Variants in PRKCZ observed in about 807,000 individuals in gnomAD.
The protein encoded by PRKCZ is protein kinase C zeta.
A neutral mutation model predicts 79.5 loss-of-function variants in PRKCZ; 33 were observed. The observed-to-expected ratio is 0.41, with a 90% confidence interval of 0.31 to 0.55. The LOEUF is 0.55. Ranked by LOEUF, PRKCZ falls within the 20% of genes least tolerant of loss-of-function variation. The probability of loss-of-function intolerance (pLI) is 0.19; values close to 1 mark genes in which losing one functional copy is unlikely to be tolerated. For synonymous variants in PRKCZ, 342 were observed against 320.9 expected (o/e 1.07, Z -0.70); for missense variants, 578 against 813.5 (o/e 0.71, Z 3.52).
chr1:2,139,128 G>A (rs1676809630), intron 5 of PRKCZ, among the ~76,000 whole-genome samples: 1 of 152,182 alleles, frequency 6.6e-6, no homozygotes, highest in Non-Finnish European at 1.5e-5. Context: ...GAATTGAAGA[G>A]CTCCTACACA....
intron 1 of PRKCZ, among the ~76,000 whole-genome samples, chr1:2,054,637 G>C (rs957313930): frequency 1.3e-5 from 2 of 152,074 alleles, no homozygotes; most frequent in Non-Finnish European, 2.9e-5. Context: ...CCACTCCGGG[G>C]TCTAAAGAGT....
chr1:2,134,549 C>T (rs1675770661), intron 4 of PRKCZ, among the ~76,000 whole-genome samples: 1 of 152,184 alleles, frequency 6.6e-6, no homozygotes, highest in Non-Finnish European at 1.5e-5. Context: ...TGCCGCCTTT[C>T]TCATAAGAGG....
chr1:2,102,313 C>CT (rs1557561527), intron 4 of PRKCZ, among the ~76,000 whole-genome samples: 1 of 112,708 alleles, frequency 8.9e-6, no homozygotes, highest in African/African-American at 4.5e-5. Context: ...TTTTTTATTG[C>CT]GTTTTTTTTT....
chr1:2,093,083 T>A (rs1359906678), intron 4 of PRKCZ, among the ~76,000 whole-genome samples: 1 of 152,202 alleles, frequency 6.6e-6, no homozygotes, highest in African/African-American at 2.4e-5. Context: ...TGGGTGGTTT[T>A]CAACAGGAAC....
intron 4 of PRKCZ, among the ~76,000 whole-genome samples, chr1:2,093,702 G>A (rs1665918541): frequency 6.6e-6 from 1 of 152,132 alleles, no homozygotes; most frequent in African/African-American, 2.4e-5. Flanking sequence ...GCCCCCAAAC[G>A]TGGTGGGCTG....
chr1:2,090,868 A>G (rs534061887), intron 4 of PRKCZ, among the ~76,000 whole-genome samples: 1 of 152,328 alleles, frequency 6.6e-6, no homozygotes, highest in Admixed American at 6.5e-5. Context: ...ATCCATATTA[A>G]TTTAGCTCTC....
chr1:2,150,880 C>T lies in PRKCZ; in HGVS notation c.778C>T (p.Arg260Cys), dbSNP rs887317345. Residue 260 changes from arginine (R) to cysteine (C), a missense_variant, in exon 9 of 18, where the codon CGC becomes TGC. Arg to Cys is a radical substitution (Grantham distance 180). This residue lies in a region of PRKCZ where 243 missense variants were observed against 467.0 expected (regional missense o/e 0.52). Transcript: ENST00000378567. ...QDFDLIRVIGRGSYAKVLLVR... is the reference protein window; with the variant it reads ...QDFDLIRVIGCGSYAKVLLVR... Reference sequence around the variant, plus strand: ...CTTTGACCTAATCAGAGTCATCGGGCGCGGGAGCTACGCCAAGGTTCTCCT... The same window carrying T: ...CTTTGACCTAATCAGAGTCATCGGGTGCGGGAGCTACGCCAAGGTTCTCCT... 1 of 1,614,126 alleles carries T rather than the reference C, an allele frequency of 6.2e-7. No individual in the cohort carries two copies. Among genetic ancestry groups the T allele is most frequent in the Non-Finnish European group, 8.5e-7 (1 of 1,180,014 alleles).
At chr1:2,096,802 C>T (rs1210162715) in intron 4 of PRKCZ, among the ~76,000 whole-genome samples, 3 of 152,272 alleles carry the variant, frequency 2.0e-5, no homozygotes, top group East Asian at 1.9e-4. Context: ...AGGGAAGGGT[C>T]AGCCAGCTCA....
chr1:2,148,469 T>A (rs549688375), intron 7 of PRKCZ, among the ~76,000 whole-genome samples: 1 of 152,346 alleles, frequency 6.6e-6, no homozygotes, highest in African/African-American at 2.4e-5. Context: ...TCTCCATCTA[T>A]CCATCCATTG....
chr1:2,153,209 TGACA>T (rs1308278831), intron 9 of PRKCZ, among the ~76,000 whole-genome samples: 1 of 152,272 alleles, frequency 6.6e-6, no homozygotes, highest in East Asian at 1.9e-4. Context: ...CTCTGATGAC[TGACA>T]GTGTTCAGCA....
At chr1:2,056,649 A>AT in intron 3 of PRKCZ, 76 bp downstream of exon 3, 4 of 1,325,760 alleles carry the variant, frequency 3.0e-6, no homozygotes, top group Non-Finnish European at 4.2e-6. Context: ...TAGCTGGGGG[A>AT]TTTAAAATGG....
At position 2,172,274 on chromosome 1, in the gene PRKCZ, C is replaced by G. The variant is rs760251204; in HGVS notation, c.1198-27C>G. The G allele has an allele frequency of 6.2e-7, 1 of 1,613,536 alleles. No homozygotes were observed. The highest frequency in any genetic ancestry group is 1.1e-5 in the South Asian group (1 of 91,082). ...CCCGCGGGGTAGTGTCTACAAGAAC[C>G]CTCTCCCAGTAACTTTGCCCCCACA... On this transcript the variant is annotated intron_variant, in intron 12 of 17. Coordinates refer to ENST00000378567, the MANE Select transcript of PRKCZ (RefSeq NM_002744.6). The surrounding 1 kb of genome is among the most constrained non-coding windows in gnomAD (Gnocchi z 7.8).
In PRKCZ at chr1:2,094,445, C is replaced by A. The variant is rs1164332493; in HGVS notation, c.334+34854C>A. 6.7e-6 allele frequency among the ~76,000 whole-genome samples: 1 copy of A among 149,308 alleles called. No individual in the cohort carries two copies. The highest frequency in any genetic ancestry group is 2.5e-5 in the African/African-American group (1 of 40,228). The stretch of plus-strand genomic sequence containing the variant: ...TTGGGCGCTGCCCGTTCTGAGGCAC[C>A]CGCTGTGCCCGGCTCGTTGAACCTT... On this transcript the variant is annotated intron_variant, in intron 4 of 17. Coordinates refer to ENST00000378567, the MANE Select transcript of PRKCZ (RefSeq NM_002744.6). This position sits in a 1 kb window ranked among gnomAD's most constrained non-coding sequence, Gnocchi z 7.3.
chr1:2,128,827 C>CT lies in PRKCZ; in HGVS notation c.335-6432dup, dbSNP rs543204547. On this transcript the variant is annotated intron_variant, in intron 4 of 17. Transcript: ENST00000378567. The surrounding 1 kb of genome is among the most constrained non-coding windows in gnomAD (Gnocchi z 6.5). ...GGACCTCCTGCTAACCTGGGCTTGACTTTGAGACCCTGTTCCACAGAGGTA... is the reference window on the plus strand; with the variant it reads ...GGACCTCCTGCTAACCTGGGCTTGACTTTTGAGACCCTGTTCCACAGAGGTA... Among the ~76,000 whole-genome samples the CT allele has an allele frequency of 1.1e-4, 17 of 152,184 alleles. No individual in the cohort carries two copies. Among genetic ancestry groups the CT allele is most frequent in the African/African-American group, 3.4e-4 (14 of 41,442 alleles).
chr1:2,144,378 G>A, intron 6 of PRKCZ, 37 bp downstream of exon 6: 1 of 1,549,026 alleles, frequency 6.5e-7, no homozygotes, highest in African/African-American at 1.4e-5. Flanking sequence ...GGGGGCACGG[G>A]CGGGGTCGGG....
intron 5 of PRKCZ, among the ~76,000 whole-genome samples, chr1:2,138,542 G>A (rs1035314907): frequency 6.6e-6 from 1 of 152,198 alleles, no homozygotes; most frequent in African/African-American, 2.4e-5. Context: ...TCCTGAGGAG[G>A]TGATTGGTTA....
chr1:2,060,684 G>A (rs1321678248), intron 4 of PRKCZ, among the ~76,000 whole-genome samples: 1 of 152,236 alleles, frequency 6.6e-6, no homozygotes, highest in East Asian at 1.9e-4. Context: ...GGAGCCATCC[G>A]GAGGTGGGCC....
At chr1:2,111,340 A>C (rs1389591359) in intron 4 of PRKCZ, among the ~76,000 whole-genome samples, 1 of 151,874 alleles carries the variant, frequency 6.6e-6, no homozygotes, top group African/African-American at 2.4e-5. Flanking sequence ...CCAGGTTGAC[A>C]GGGACAGGCG....
At position 2,126,791 on chromosome 1, in the gene PRKCZ, C is replaced by T. The variant is rs576623972; in HGVS notation, c.335-8471C>T. On this transcript the variant is annotated intron_variant, in intron 4 of 17. Coordinates refer to ENST00000378567, the MANE Select transcript of PRKCZ (RefSeq NM_002744.6). ...CCCGGGGTTGCCTTCCCGAGGGCCG[C>T]GGACACCTGAGCAGTCCCCATGCCA... 6.6e-5 allele frequency among the ~76,000 whole-genome samples: 10 copies of T among 152,332 alleles called. No homozygotes were observed. In the East Asian group the frequency reaches 1.5e-3, roughly 24 times the overall value.
Sources: gnomAD v4.1 joint callset for allele counts (sites outside exome capture counted in the v4.1 genomes callset) on GRCh38, gnomAD v4.1.1 for gene constraint, gnomAD v4.1.1 regional missense constraint, Gnocchi (gnomAD v3.1) non-coding constraint, MANE v1.5 for transcripts, NCBI Gene and HGNC (gene_info 2026-07-23, HGNC 2026-07-21) for gene names.